Variants in BCL2L11 observed in about 807,000 individuals in gnomAD.
The protein encoded by BCL2L11 is bcl-2-like protein 11.
A neutral mutation model predicts 20.6 loss-of-function variants in BCL2L11; 15 were observed. That is an observed-to-expected ratio of 0.73 (90% CI 0.49 to 1.12). The LOEUF (loss-of-function observed/expected upper bound fraction) is 1.12, where lower values mean the gene tolerates loss of function less well. Ranked by LOEUF, BCL2L11 falls within the 50% of genes most tolerant of loss-of-function variation. The probability of loss-of-function intolerance (pLI) is 0.00; values close to 1 mark genes in which losing one functional copy is unlikely to be tolerated. For missense variants in BCL2L11, 292 were observed against 260.9 expected (o/e 1.12, Z -0.82); for synonymous variants, 108 against 92.8 (o/e 1.16, Z -0.94).
chr2:111,148,135 G>A (rs564044077), intron 2 of BCL2L11, among the ~76,000 whole-genome samples: 1 of 152,236 alleles, frequency 6.6e-6, no homozygotes, highest in East Asian at 1.9e-4. Flanking sequence ...TCTGACTCCG[G>A]GGCTGAAGGC....
At chr2:111,140,293 T>C (rs567168094) in intron 2 of BCL2L11, among the ~76,000 whole-genome samples, 1 of 152,314 alleles carries the variant, frequency 6.6e-6, no homozygotes, top group East Asian at 1.9e-4. Context: ...GATAAGAGTG[T>C]GTGTGTTAAA....
At chr2:111,124,776 A>C (rs766576567) in intron 2 of BCL2L11, among the ~76,000 whole-genome samples, 1 of 152,230 alleles carries the variant, frequency 6.6e-6, no homozygotes, top group African/African-American at 2.4e-5. Context: ...TCAAAAGTGT[A>C]AAGAAAGATG....
At chr2:111,149,213 T>G (rs1384962092) in intron 2 of BCL2L11, among the ~76,000 whole-genome samples, 2 of 152,216 alleles carry the variant, frequency 1.3e-5, no homozygotes, top group Non-Finnish European at 2.9e-5. Flanking sequence ...TTTTGACAAC[T>G]CACATTTTTG....
intron 3 of BCL2L11, chr2:111,161,419 A>T (rs973902056): frequency 1.3e-6 from 2 of 1,550,436 alleles, no homozygotes; most frequent in African/African-American, 2.7e-5. Flanking sequence ...TGATTCACAG[A>T]TGCCTCTTCC....
At chr2:111,147,969 A>T (rs543332928) in intron 2 of BCL2L11, among the ~76,000 whole-genome samples, 1 of 152,364 alleles carries the variant, frequency 6.6e-6, no homozygotes, top group Non-Finnish European at 1.5e-5. Context: ...AATGTCAGGC[A>T]TGTGAGTGTT....
rs1345167081 is a variant in BCL2L11, at chr2:111,121,006, C to T, written c.-196C>T. ...CCGCCGCCGCCGCCGCCGCCGCCGC[C>T]GCCGCCGCCGCCGCCACTACCACCA... On this transcript the variant is annotated 5_prime_UTR_variant, in exon 1 of 4. Transcript: ENST00000393256. The T allele has an allele frequency of 8.0e-5, 32 of 401,972 alleles. No individual in the cohort carries two copies. Among genetic ancestry groups the T allele is most frequent in the East Asian group, 2.6e-4 (5 of 19,464 alleles). The allele number at this position is 401,972 out of a possible 1,614,324, so 24.9% of individuals were successfully genotyped here. A position where few individuals can be genotyped will look rare whatever the true frequency, so the allele number is the denominator to read the frequency against.
At chr2:111,159,506 T>C (rs1439300485) in intron 3 of BCL2L11, among the ~76,000 whole-genome samples, 1 of 152,192 alleles carries the variant, frequency 6.6e-6, no homozygotes, top group Non-Finnish European at 1.5e-5. Context: ...CCTCTCACTG[T>C]TGGAGAGTGA....
At chr2:111,122,014 T>G (rs2071094504) in intron 1 of BCL2L11, among the ~76,000 whole-genome samples, 1 of 151,970 alleles carries the variant, frequency 6.6e-6, no homozygotes, top group Non-Finnish European at 1.5e-5. Context: ...GCCCCAGGGT[T>G]GGCGCTGCTG....
rs138871428 is a variant in BCL2L11, at chr2:111,146,654, G to A, written c.395-3390G>A. Among the ~76,000 whole-genome samples the A allele has an allele frequency of 9.0e-4, 137 of 152,314 alleles. 2 individuals carry two copies. Among genetic ancestry groups the A allele is most frequent in the East Asian group, 3.5e-3 (18 of 5,182 alleles). On this transcript the variant is annotated intron_variant, in intron 2 of 3. Coordinates refer to ENST00000393256, the MANE Select transcript of BCL2L11 (RefSeq NM_138621.5). ...TGGGGCTTACAGACCCCATTCATTT[G>A]TTCTGGTTGATTTCATGTGGTGTGA...
intron 2 of BCL2L11, chr2:111,142,487 C>A: frequency 1.1e-6 from 1 of 930,090 alleles, no homozygotes; most frequent in Admixed American, 2.2e-5. Flanking sequence ...CTTAGCCCTA[C>A]AGTGTGTTAT....
At chr2:111,132,018 A>C (rs559128295) in intron 2 of BCL2L11, 22 of 152,190 alleles carry the variant, frequency 1.4e-4, no homozygotes, top group African/African-American at 5.3e-4. Flanking sequence ...ATTAGCATAC[A>C]AGATGGAGTT....
intron 2 of BCL2L11, among the ~76,000 whole-genome samples, chr2:111,127,239 G>A (rs2072837048): frequency 1.3e-5 from 2 of 151,960 alleles, no homozygotes; most frequent in African/African-American, 2.4e-5. Context: ...TGCCATATGT[G>A]TTTTTAATGG....
chr2:111,157,201 GA>G (rs1343026875), intron 3 of BCL2L11, among the ~76,000 whole-genome samples: 1 of 152,214 alleles, frequency 6.6e-6, no homozygotes, highest in Non-Finnish European at 1.5e-5. Flanking sequence ...ACATAACCAT[GA>G]GGAAGGAGAT....
chr2:111,122,208 G>A (rs1224720989), intron 1 of BCL2L11, among the ~76,000 whole-genome samples: 1 of 152,226 alleles, frequency 6.6e-6, no homozygotes, highest in Admixed American at 6.5e-5. Flanking sequence ...GTTAGGGTCT[G>A]CCCCCGACGG....
chr2:111,144,382 C>T, intron 2 of BCL2L11: 1 of 1,243,550 alleles, frequency 8.0e-7, no homozygotes, highest in Non-Finnish European at 1.2e-6. Flanking sequence ...TTGTTGGTTA[C>T]TTGCTTATTT....
chr2:111,150,059 C>T lies in BCL2L11; in HGVS notation c.410C>T (p.Ala137Val), dbSNP rs779064965. 2 of 1,613,652 alleles carry T rather than the reference C, an allele frequency of 1.2e-6. No homozygotes were observed. The highest frequency in any genetic ancestry group is 4.5e-5 in the East Asian group (2 of 44,880). The part of the protein sequence containing the change: ...YLSAMASMRQ[A>V]EPADMRPEIW... ...TCTGATGCAGCTTCCATGAGGCAGG[C>T]TGAACCTGCAGATATGCGCCCAGAG... The change falls in exon 3 of 4, where the codon GCT becomes GTT. Residue 137 changes from alanine (A) to valine (V), a missense_variant. Physicochemically the swap from Ala to Val is moderately conservative, Grantham distance 64. Transcript: ENST00000393256.
chr2:111,122,803 G>C (rs1308119552), intron 1 of BCL2L11: 28 of 985,218 alleles, frequency 2.8e-5, no homozygotes, highest in Non-Finnish European at 3.3e-5. Flanking sequence ...CCCGGGCTTT[G>C]TCTCCTGCGC....
chr2:111,126,135 A>G (rs1222356119), intron 2 of BCL2L11, among the ~76,000 whole-genome samples: 1 of 152,198 alleles, frequency 6.6e-6, no homozygotes, highest in Non-Finnish European at 1.5e-5. Context: ...TGATGGGTTA[A>G]TGCATGGAAA....
chr2:111,159,447 A>G (rs1464786389), intron 3 of BCL2L11, among the ~76,000 whole-genome samples: 1 of 152,232 alleles, frequency 6.6e-6, no homozygotes, highest in Admixed American at 6.5e-5. Flanking sequence ...TTGGGCACAC[A>G]AAGTCCAAAG....
Sources: gnomAD v4.1 joint callset for allele counts (sites outside exome capture counted in the v4.1 genomes callset) on GRCh38, gnomAD v4.1.1 for gene constraint, MANE v1.5 for transcripts, NCBI Gene and HGNC (gene_info 2026-07-23, HGNC 2026-07-21) for gene names.